The following ALDH1L1 variants were observed in gnomAD, a reference collection of about 807,000 sequenced individuals.
ALDH1L1 encodes cytosolic 10-formyltetrahydrofolate dehydrogenase.
ALDH1L1 carries 68 observed loss-of-function variants against 101.1 expected under a neutral mutation model. The ratio of observed to expected loss-of-function variants is 0.67; its 90% CI spans 0.55 to 0.82. The LOEUF (loss-of-function observed/expected upper bound fraction) is 0.82, where lower values mean the gene tolerates loss of function less well. Among genes scored for constraint, ALDH1L1 ranks in the 40% least tolerant of loss-of-function variants. ALDH1L1 has a pLI of 0.00. For missense variants in ALDH1L1, 1,087 were observed against 1,172.7 expected, an observed-to-expected ratio of 0.93 and a Z score of 1.07; for synonymous variants, 486 against 470.8, an observed-to-expected ratio of 1.03 and a Z score of -0.42.
In ALDH1L1 at chr3:126,103,849, G is replaced by A. The variant is rs758208798; in HGVS notation, c.2654-3C>T. 9 of 1,613,132 alleles carry A rather than the reference G, an allele frequency of 5.6e-6. No homozygotes were observed. In the Admixed American group the frequency reaches 1.5e-4, roughly 27 times the overall value. On this transcript the variant is annotated splice_region_variant and splice_polypyrimidine_tract_variant and intron_variant, in intron 22 of 22. Transcript: ENST00000393434. Reference sequence around the variant, plus strand: ...GTACTCGTTCAGAGCCGCCTCTCCTGTAAGACACCACAAAGGTCACAGCAG... The same window carrying A: ...GTACTCGTTCAGAGCCGCCTCTCCTATAAGACACCACAAAGGTCACAGCAG...
intron 1 of ALDH1L1, among the ~76,000 whole-genome samples, chr3:126,195,998 A>G (rs2081579956): frequency 6.6e-6 from 1 of 152,184 alleles, no homozygotes; most frequent in African/African-American, 2.4e-5. Flanking sequence ...GCATTAGGAG[A>G]TATACCTAAT....
At chr3:126,161,546 AGGTGGT>A (rs2081051616) in intron 1 of ALDH1L1, among the ~76,000 whole-genome samples, 1 of 152,208 alleles carries the variant, frequency 6.6e-6, no homozygotes, top group Non-Finnish European at 1.5e-5. Context: ...CTGAGGATGA[AGGTGGT>A]GGAAAGTGGA....
rs776279447 is a variant in ALDH1L1, at chr3:126,160,962, A to T, written c.18T>A (p.Ile6=). MKIAV[I]GQSLFGQEVY... is the part of the protein sequence containing the mutation. Reference sequence around the variant, plus strand: ...CTTCCTGGCCAAACAGGCTCTGTCCAATCACTGCAATCTTCATGGTAGCAG... The same window carrying T: ...CTTCCTGGCCAAACAGGCTCTGTCCTATCACTGCAATCTTCATGGTAGCAG... Residue 6 remains isoleucine, a synonymous_variant, in exon 2 of 23, where the codon ATT becomes ATA. Transcript: ENST00000393434. 1 of 1,614,172 alleles carries T rather than the reference A, an allele frequency of 6.2e-7. No homozygotes were observed. The highest frequency in any genetic ancestry group is 8.5e-7 in the Non-Finnish European group (1 of 1,179,986).
At chr3:126,188,215 T>A (rs562746718) in intron 1 of ALDH1L1, among the ~76,000 whole-genome samples, 1 of 152,376 alleles carries the variant, frequency 6.6e-6, no homozygotes, top group Non-Finnish European at 1.5e-5. Flanking sequence ...GCAGGATTTT[T>A]AAAATAAATA....
chr3:126,140,082 TCAAAGAGATCCACAC>T (rs2080537970), intron 9 of ALDH1L1, among the ~76,000 whole-genome samples: 2 of 148,072 alleles, frequency 1.4e-5, no homozygotes, highest in Admixed American at 1.3e-4. Context: ...CCAAGCAGGA[TCAAAGAGATCCACAC>T]CAAGGCACAT....
At chr3:126,103,899 T>A (rs1945764937) in intron 22 of ALDH1L1, 53 bp from the exon 23 acceptor site, 1 of 1,589,934 alleles carries the variant, frequency 6.3e-7, no homozygotes. Context: ...AGGGCACTGC[T>A]CGGGGCTGCA....
At chr3:126,135,929 C>T (rs1292360304) in intron 11 of ALDH1L1, among the ~76,000 whole-genome samples, 1 of 152,206 alleles carries the variant, frequency 6.6e-6, no homozygotes, top group East Asian at 1.9e-4. Flanking sequence ...CGTGCAGGCT[C>T]CCTCACCTTG....
At chr3:126,156,721 C>T (rs1195363470) in intron 4 of ALDH1L1, 1 of 152,230 alleles carries the variant, frequency 6.6e-6, no homozygotes, top group Non-Finnish European at 1.5e-5. Flanking sequence ...GCCTTCCCAG[C>T]AGGAAGCATG....
intron 10 of ALDH1L1, among the ~76,000 whole-genome samples, chr3:126,137,259 G>A (rs2080466251): frequency 6.6e-6 from 1 of 152,090 alleles, no homozygotes; most frequent in East Asian, 1.9e-4. Flanking sequence ...GGCACCTCTG[G>A]GATATGATCC....
intron 19 of ALDH1L1, chr3:126,110,310 C>T: frequency 1.5e-6 from 1 of 646,830 alleles, no homozygotes; most frequent in Non-Finnish European, 2.6e-6. Flanking sequence ...GGACAGAAGT[C>T]TCCAAGGAGA....
At chr3:126,164,466 C>T (rs1053097963) in intron 1 of ALDH1L1, among the ~76,000 whole-genome samples, 3 of 152,206 alleles carry the variant, frequency 2.0e-5, no homozygotes, top group Admixed American at 6.5e-5. Flanking sequence ...CAAGTGAGAA[C>T]GTGCAGTATC....
rs1945753666 is a variant in ALDH1L1 at position 126,103,610 on chromosome 3, C to T, written c.*181G>A. ...TTTATTCTCCCTGGGAGGGGCACACCTCACCCAGCCAAGGGCTGCTTCTGA... is the reference window on the plus strand; with the variant it reads ...TTTATTCTCCCTGGGAGGGGCACACTTCACCCAGCCAAGGGCTGCTTCTGA... On this transcript the variant is annotated 3_prime_UTR_variant, in exon 23 of 23. Coordinates refer to ENST00000393434, the MANE Select transcript of ALDH1L1 (RefSeq NM_012190.4). The T allele has an allele frequency of 6.3e-6, 4 of 634,554 alleles. No individual in the cohort carries two copies. The highest frequency in any genetic ancestry group is 8.2e-6 in the Non-Finnish European group (3 of 363,892). The allele number at this position is 634,554 out of a possible 1,614,324, so 39.3% of individuals were successfully genotyped here.
At chr3:126,183,587 C>T (rs141255396), upstream of ALDH1L1, among the ~76,000 whole-genome samples, 35 of 152,252 alleles carry the variant, frequency 2.3e-4, no homozygotes, top group Middle Eastern at 3.4e-3. Flanking sequence ...TTTCAGGACC[C>T]GCCCAGGAAG....
rs558133671 is a variant in ALDH1L1 at position 126,147,032 on chromosome 3, C to G, written c.985-106G>C. 9 of 1,069,316 alleles carry G rather than the reference C, an allele frequency of 8.4e-6. No individual in the cohort carries two copies. The South Asian group carries it at 1.4e-4, about 17-fold the overall frequency. 66.2% of individuals were successfully genotyped at this position (1,069,316 alleles called of 1,614,324 possible). A position where few individuals can be genotyped will look rare whatever the true frequency, so the allele number is the denominator to read the frequency against. ...GACTCATGGATGGCCTGGGGCCAGGCTGGGCTTCTCTATGTACCTCCAAGT... is the reference window on the plus strand; with the variant it reads ...GACTCATGGATGGCCTGGGGCCAGGGTGGGCTTCTCTATGTACCTCCAAGT... On this transcript the variant is annotated intron_variant, in intron 8 of 22. Coordinates refer to ENST00000393434, the MANE Select transcript of ALDH1L1 (RefSeq NM_012190.4).
At chr3:126,161,074 G>A (rs1161652347) in intron 1 of ALDH1L1, 72 bp from the exon 2 acceptor site, 4 of 1,542,618 alleles carry the variant, frequency 2.6e-6, no homozygotes, top group East Asian at 2.3e-5. Context: ...GTTCAAGACA[G>A]GGCAGTTCAT....
chr3:126,114,027 G>A (rs1017381156), intron 18 of ALDH1L1, among the ~76,000 whole-genome samples: 2 of 152,184 alleles, frequency 1.3e-5, no homozygotes, highest in Admixed American at 6.5e-5. Flanking sequence ...CTGCACCCAC[G>A]GCCACCGGTA....
At chr3:126,193,172 T>G (rs2081563357) in intron 1 of ALDH1L1, among the ~76,000 whole-genome samples, 1 of 152,218 alleles carries the variant, frequency 6.6e-6, no homozygotes, top group African/African-American at 2.4e-5. Flanking sequence ...TATGGAGCCC[T>G]TCTCAGGCCA....
chr3:126,125,538 T>G (rs2080163988), intron 15 of ALDH1L1, 78 bp downstream of exon 15: 1 of 1,174,966 alleles, frequency 8.5e-7, no homozygotes, highest in South Asian at 2.6e-5. Context: ...GAGAGGCCCT[T>G]CCCTTCCTCC....
intron 1 of ALDH1L1, among the ~76,000 whole-genome samples, chr3:126,194,362 C>T (rs4679105): frequency 0.13 from 19,782 of 152,088 alleles, 1,573 homozygotes; most frequent in African/African-American, 0.21. Context: ...GATGCTTCAG[C>T]GGCTCTCTGT....
Sources: allele counts gnomAD v4.1 joint callset (sites outside exome capture counted in the v4.1 genomes callset), GRCh38; gene constraint gnomAD v4.1.1; transcripts MANE v1.5; gene names NCBI Gene and HGNC (gene_info 2026-07-23, HGNC 2026-07-21).